The following NRIP1 variants were observed in gnomAD, a reference collection of about 807,000 sequenced individuals.
The protein encoded by NRIP1 is nuclear receptor interacting protein 1.
A neutral mutation model predicts 75.0 loss-of-function variants in NRIP1; 28 were observed. That is an observed-to-expected ratio of 0.37 (90% CI 0.28 to 0.51). The LOEUF (loss-of-function observed/expected upper bound fraction) is 0.51, where lower values mean the gene tolerates loss of function less well. Among genes scored for constraint, NRIP1 ranks in the 20% least tolerant of loss-of-function variants. The pLI is 0.92. For missense variants in NRIP1, 1,435 were observed against 1,343.7 expected (o/e 1.07, Z -1.06); for synonymous variants, 526 against 487.6 (o/e 1.08, Z -1.04).
intron 3 of NRIP1, among the ~76,000 whole-genome samples, chr21:14,976,973 G>C (rs1197438210): frequency 6.6e-6 from 1 of 152,130 alleles, no homozygotes; most frequent in African/African-American, 2.4e-5. Flanking sequence ...GCAATATCAA[G>C]TAATACCTAT....
chr21:14,963,000 G>A lies in NRIP1; in HGVS notation c.*1716C>T, dbSNP rs1040516399. 44 of 152,406 alleles carry A rather than the reference G, an allele frequency of 2.9e-4. No individual in the cohort carries two copies. Among genetic ancestry groups the A allele is most frequent in the African/African-American group, 1.0e-3 (42 of 41,524 alleles). The allele number at this position is 152,406 out of a possible 1,614,324, so 9.4% of individuals were successfully genotyped here. The stretch of plus-strand genomic sequence containing the variant: ...GAATGAATTGTGGATTGTACAAACT[G>A]AACATAAAAACAGACCTGTTTCGCA... On this transcript the variant is annotated 3_prime_UTR_variant, in exon 4 of 4. Transcript: ENST00000318948.
intron 1 of NRIP1, chr21:15,050,806 T>C (rs1288761497): frequency 8.8e-6 from 4 of 455,922 alleles, no homozygotes; most frequent in African/African-American, 8.0e-5. Context: ...GCCTTTCACA[T>C]GCAAACTAAA....
intron 3 of NRIP1, among the ~76,000 whole-genome samples, chr21:14,997,724 T>TAC (rs1330667034): frequency 2.7e-5 from 4 of 148,762 alleles, no homozygotes; most frequent in Admixed American, 6.7e-5. Flanking sequence ...TTTATATATA[T>TAC]ACACATAAAT....
chr21:15,048,723 T>C (rs1312747737), intron 1 of NRIP1, among the ~76,000 whole-genome samples: 3 of 152,256 alleles, frequency 2.0e-5, no homozygotes. Context: ...ATCTGAACTA[T>C]GTAAGATGAT....
rs753845458 is a variant in NRIP1 at position 14,991,667 on chromosome 21, A to G, written c.-335+22677T>C. 2.2e-4 allele frequency among the ~76,000 whole-genome samples: 33 copies of G among 152,180 alleles called. 1 individual carries two copies. The highest frequency in any genetic ancestry group is 1.3e-4 in the Non-Finnish European group (9 of 68,046). On this transcript the variant is annotated intron_variant, in intron 3 of 3. Transcript: ENST00000318948. ...CAGAATTTTTGCCATTGAGTTTTAGAGAATATCATGGCCATAAAAAGGAAA... is the reference window on the plus strand; with the variant it reads ...CAGAATTTTTGCCATTGAGTTTTAGGGAATATCATGGCCATAAAAAGGAAA...
At position 15,016,651 on chromosome 21, in the gene NRIP1, G is replaced by A. The variant is rs557153166; in HGVS notation, c.-457-2185C>T. Among the ~76,000 whole-genome samples the A allele has an allele frequency of 1.4e-3, 210 of 152,256 alleles. 2 individuals carry two copies. The highest frequency in any genetic ancestry group is 4.8e-3 in the African/African-American group (198 of 41,562). On this transcript the variant is annotated intron_variant, in intron 2 of 3. Transcript: ENST00000318948. ...TGTAATCCCAGCACTTTGGGAAGCC[G>A]AAATGGGCAGATCATGAGGTCTGGA...
chr21:14,984,414 C>G (rs530734295), intron 3 of NRIP1, among the ~76,000 whole-genome samples: 1 of 147,624 alleles, frequency 6.8e-6, no homozygotes, highest in Non-Finnish European at 1.5e-5. Flanking sequence ...CCTCCCACAT[C>G]GGCCTCCCAA....
At chr21:15,052,532 T>C (rs767706382) in intron 1 of NRIP1, among the ~76,000 whole-genome samples, 1 of 152,188 alleles carries the variant, frequency 6.6e-6, no homozygotes, top group Non-Finnish European at 1.5e-5. Context: ...CACAAGGTAG[T>C]ATGTACAACC....
At chr21:15,002,243 C>T (rs769406269) in intron 3 of NRIP1, 6 of 152,132 alleles carry the variant, frequency 3.9e-5, no homozygotes, top group African/African-American at 9.7e-5. Context: ...TTCTGCAGAC[C>T]GTAAGGCTTT....
In NRIP1 at chr21:15,005,712, T is replaced by TCC. The variant is rs1489649652; in HGVS notation, c.-335+8630_-335+8631dup. 3.3e-5 allele frequency among the ~76,000 whole-genome samples: 5 copies of TCC among 152,288 alleles called. No homozygotes were observed. The East Asian group carries it at 9.7e-4, about 29-fold the overall frequency. Reference sequence around the variant, plus strand: ...ACAAGGTCTTTGACAGGATGTTGTCTCCTCTTAACCCTTCCCAAGCAGAAT... The same window carrying TCC: ...ACAAGGTCTTTGACAGGATGTTGTCTCCCCTCTTAACCCTTCCCAAGCAGAAT... On this transcript the variant is annotated intron_variant, in intron 3 of 3. Coordinates refer to ENST00000318948, the MANE Select transcript of NRIP1 (RefSeq NM_003489.4).
chr21:15,002,012 C>A (rs1489070158), intron 3 of NRIP1, among the ~76,000 whole-genome samples: 1 of 152,168 alleles, frequency 6.6e-6, no homozygotes, highest in Non-Finnish European at 1.5e-5. Flanking sequence ...AATGAACTCT[C>A]TTGGACTGAA....
At chr21:15,046,026 G>A (rs149553642) in intron 1 of NRIP1, among the ~76,000 whole-genome samples, 31 of 123,346 alleles carry the variant, frequency 2.5e-4, no homozygotes, top group African/African-American at 9.5e-4. Flanking sequence ...TCTTCAACCC[G>A]CCAAAGTTAT....
At chr21:15,014,811 C>T (rs1231561443) in intron 2 of NRIP1, among the ~76,000 whole-genome samples, 3 of 146,940 alleles carry the variant, frequency 2.0e-5, no homozygotes, top group Non-Finnish European at 4.5e-5. Flanking sequence ...ATAAATCCTC[C>T]TAAACGTGTA....
intron 3 of NRIP1, among the ~76,000 whole-genome samples, chr21:14,999,291 TAA>T: frequency 6.6e-6 from 1 of 152,282 alleles, no homozygotes; most frequent in East Asian, 1.9e-4. Flanking sequence ...TAATTTTATG[TAA>T]AGTTTTCTTC....
chr21:14,965,435 C>T lies in NRIP1; in HGVS notation c.2758G>A (p.Glu920Lys), dbSNP rs755447109. The change falls in exon 4 of 4, where the codon GAA (glutamate) becomes AAA (lysine). Residue 920 changes from glutamate to lysine, a missense_variant. Coordinates refer to ENST00000318948, the MANE Select transcript of NRIP1 (RefSeq NM_003489.4). ...CTGGCCCAACTCCTGTGTTCACTTTCGCTGGCTGAGCCATGACCAGCAGGA... is the reference window on the plus strand; with the variant it reads ...CTGGCCCAACTCCTGTGTTCACTTTTGCTGGCTGAGCCATGACCAGCAGGA... ...KYPAGHGSAS[E>K]SEHRSWARES... 9.9e-6 allele frequency: 16 copies of T among 1,613,790 alleles called. No homozygotes were observed. The highest frequency in any genetic ancestry group is 6.7e-5 in the Admixed American group (4 of 59,994).
chr21:14,968,930 AG>A (rs2086833536), intron 3 of NRIP1, among the ~76,000 whole-genome samples: 1 of 152,212 alleles, frequency 6.6e-6, no homozygotes. Flanking sequence ...CTGGGCACTT[AG>A]GAAGAAACAA....
chr21:14,965,666 C>T lies in NRIP1; in HGVS notation c.2527G>A (p.Glu843Lys). Residue 843 changes from glutamate (E) to lysine (K), a missense_variant, in exon 4 of 4, where the codon GAA (glutamate) becomes AAA (lysine). Transcript: ENST00000318948. Reference protein sequence around the residue: ...DDSDRSHRNNEMALLESKNLC... With the variant: ...DDSDRSHRNNKMALLESKNLC... Reference sequence around the variant, plus strand: ...TTCTTTGATTCTAGAAGTGCCATTTCATTATTTCTGTGACTCCTGTCTGAA... The same window carrying T: ...TTCTTTGATTCTAGAAGTGCCATTTTATTATTTCTGTGACTCCTGTCTGAA... 1 of 1,613,440 alleles carries T rather than the reference C, an allele frequency of 6.2e-7. No homozygotes were observed. Among genetic ancestry groups the T allele is most frequent in the Non-Finnish European group, 8.5e-7 (1 of 1,179,930 alleles).
chr21:14,994,282 G>A (rs1273892415), intron 3 of NRIP1, among the ~76,000 whole-genome samples: 4 of 152,098 alleles, frequency 2.6e-5, no homozygotes, highest in African/African-American at 9.7e-5. Flanking sequence ...GCACCACCAT[G>A]CCTGGCTAAT....
chr21:15,060,756 G>A (rs2089407258), intron 1 of NRIP1, among the ~76,000 whole-genome samples: 1 of 151,928 alleles, frequency 6.6e-6, no homozygotes, highest in Non-Finnish European at 1.5e-5. Flanking sequence ...ATATAATATT[G>A]CTGGCCTCCT....
Sources: allele counts gnomAD v4.1 joint callset (sites outside exome capture counted in the v4.1 genomes callset), GRCh38; gene constraint gnomAD v4.1.1; transcripts MANE v1.5; gene names NCBI Gene and HGNC (gene_info 2026-07-23, HGNC 2026-07-21).